Variants in PLA2G4E observed in about 807,000 individuals in gnomAD.
The protein encoded by PLA2G4E is phospholipase A2 group IVE, also known as cytosolic phospholipase A2 epsilon.
A neutral mutation model predicts 109.1 loss-of-function variants in PLA2G4E; 84 were observed. The observed-to-expected ratio is 0.77, with a 90% CI of 0.65 to 0.92. The LOEUF is 0.92. Ranked by LOEUF, PLA2G4E falls within the 40% of genes least tolerant of loss-of-function variation. The pLI, the probability that PLA2G4E is intolerant of heterozygous loss-of-function variation, is 0.00. For synonymous variants in PLA2G4E, 469 were observed against 436.1 expected, an observed-to-expected ratio of 1.08 and a Z score of -0.94; for missense variants, 1,057 against 1,076.6, an observed-to-expected ratio of 0.98 and a Z score of 0.25.
At chr15:42,001,688 C>T (rs547097488) in intron 6 of PLA2G4E, among the ~76,000 whole-genome samples, 4 of 152,204 alleles carry the variant, frequency 2.6e-5, no homozygotes, top group Admixed American at 6.5e-5. Context: ...TACCAACAGC[C>T]GAAATATGAA....
intron 13 of PLA2G4E, 55 bp downstream of exon 13, chr15:41,992,682 G>T: frequency 6.5e-7 from 1 of 1,542,254 alleles, no homozygotes; most frequent in East Asian, 2.3e-5. Context: ...GAGGAAGAAA[G>T]AGAGCCAGGC....
At chr15:42,013,716 G>T in exon 2 of PLA2G4E, 1 of 1,550,674 alleles carries the variant, frequency 6.4e-7, no homozygotes. Flanking sequence ...TTTTCATCCG[G>T]ATGACCCTCA....
intron 1 of PLA2G4E, 125 bp from the exon 2 acceptor site, chr15:42,013,882 GTTTTTTTTTTTT>G (rs10539531): frequency 1.4e-4 from 19 of 134,258 alleles, no homozygotes; most frequent in African/African-American, 7.0e-4. Flanking sequence ...CCCTAGGCTG[GTTTTTTTTTTTT>G]TTTTTTTTTT....
chr15:42,017,077 A>G (rs1344377298), intron 1 of PLA2G4E, among the ~76,000 whole-genome samples: 1 of 152,216 alleles, frequency 6.6e-6, no homozygotes, highest in African/African-American at 2.4e-5. Flanking sequence ...ACTTTCTCAG[A>G]GGGCAACTAG....
intron 10 of PLA2G4E, among the ~76,000 whole-genome samples, chr15:41,999,321 A>G (rs1009704811): frequency 6.6e-6 from 1 of 152,212 alleles, no homozygotes; most frequent in African/African-American, 2.4e-5. Context: ...TAACAATAAA[A>G]AAACACAAAT....
exon 20 of PLA2G4E, chr15:41,981,964 T>G (rs1005268319): frequency 6.6e-6 from 1 of 152,090 alleles, no homozygotes; most frequent in African/African-American, 2.4e-5. Context: ...TGCACAGGAA[T>G]CACGGGGGGC....
chr15:42,014,594 T>G (rs2068570764), intron 1 of PLA2G4E, among the ~76,000 whole-genome samples: 1 of 152,186 alleles, frequency 6.6e-6, no homozygotes, highest in South Asian at 2.1e-4. Context: ...TGACATCTAC[T>G]CACTGGGAGA....
intron 5 of PLA2G4E, among the ~76,000 whole-genome samples, chr15:42,003,878 T>TTTC (rs67697235): frequency 0.15 from 20,978 of 139,516 alleles, 1,944 homozygotes; most frequent in Middle Eastern, 0.24. Flanking sequence ...TTTCTTTCTT[T>TTTC]CTTCCTTTCC....
At chr15:42,037,029 C>G (rs911905214) in intron 1 of PLA2G4E, among the ~76,000 whole-genome samples, 1 of 152,226 alleles carries the variant, frequency 6.6e-6, no homozygotes, top group Non-Finnish European at 1.5e-5. Flanking sequence ...GTATGCCAGC[C>G]CCCTGCCGCT....
chr15:42,013,043 C>T (rs1396921087), intron 2 of PLA2G4E, among the ~76,000 whole-genome samples: 2 of 152,182 alleles, frequency 1.3e-5, no homozygotes, highest in African/African-American at 4.8e-5. Context: ...CCTCCATTGG[C>T]CCCCGTGGCC....
At chr15:41,996,532 C>T (rs2068344406) in intron 11 of PLA2G4E, among the ~76,000 whole-genome samples, 1 of 152,168 alleles carries the variant, frequency 6.6e-6, no homozygotes, top group Non-Finnish European at 1.5e-5. Flanking sequence ...CCTCAGAAAG[C>T]AGGCGCTTGG....
intron 2 of PLA2G4E, chr15:42,010,119 T>A: frequency 2.0e-6 from 1 of 508,180 alleles, no homozygotes; most frequent in Non-Finnish European, 4.0e-6. Flanking sequence ...CCCTTGGCTT[T>A]TCCAGAACAC....
chr15:42,021,299 C>G (rs2076066106), intron 1 of PLA2G4E, among the ~76,000 whole-genome samples: 1 of 152,082 alleles, frequency 6.6e-6, no homozygotes, highest in East Asian at 1.9e-4. Flanking sequence ...CCTTCAAGGG[C>G]ACAGTGGGTG....
intron 1 of PLA2G4E, among the ~76,000 whole-genome samples, chr15:42,028,923 ACT>A (rs1394740095): frequency 1.3e-5 from 2 of 152,052 alleles, no homozygotes; most frequent in Non-Finnish European, 2.9e-5. Flanking sequence ...ACTAGATGTG[ACT>A]CTATTTCATG....
At chr15:42,026,972 C>CAA (rs35499215) in intron 1 of PLA2G4E, among the ~76,000 whole-genome samples, 1,479 of 140,244 alleles carry the variant, frequency 0.011, 11 homozygotes, top group African/African-American at 0.017. Context: ...GACTCTATCT[C>CAA]AAAAAAAAAA....
intron 1 of PLA2G4E, among the ~76,000 whole-genome samples, chr15:42,045,451 C>G (rs1889396970): frequency 6.6e-6 from 1 of 152,170 alleles, no homozygotes; most frequent in Admixed American, 6.5e-5. Context: ...AGCAGCCAGC[C>G]ACCCAGGCAG....
chr15:42,039,315 T>C (rs942809901), intron 1 of PLA2G4E, among the ~76,000 whole-genome samples: 1 of 152,214 alleles, frequency 6.6e-6, no homozygotes, highest in Non-Finnish European at 1.5e-5. Context: ...TCACATAATA[T>C]GCTCAATATT....
chr15:42,016,815 T>C (rs1173143475), intron 1 of PLA2G4E, among the ~76,000 whole-genome samples: 1 of 152,228 alleles, frequency 6.6e-6, no homozygotes, highest in African/African-American at 2.4e-5. Flanking sequence ...CCTGAAATAT[T>C]GAACATCTCA....
chr15:42,003,260 A>T (rs1373809794), intron 5 of PLA2G4E, among the ~76,000 whole-genome samples: 1 of 152,162 alleles, frequency 6.6e-6, no homozygotes, highest in Non-Finnish European at 1.5e-5. Context: ...CTCCAGATCA[A>T]CTTTATTGTT....
Sources: gnomAD v4.1 joint callset for allele counts (sites outside exome capture counted in the v4.1 genomes callset) on GRCh38, gnomAD v4.1.1 for gene constraint, MANE v1.5 for transcripts, NCBI Gene and HGNC (gene_info 2026-07-23, HGNC 2026-07-21) for gene names.